USP8: variants seen among roughly 807,000 people sequenced by gnomAD.
USP8 encodes the protein ubiquitin specific peptidase 8.
Under a neutral mutation model 130.0 loss-of-function variants are expected in USP8, and 27 were observed. The ratio of observed to expected loss-of-function variants is 0.21; its 90% confidence interval spans 0.15 to 0.29. The LOEUF (loss-of-function observed/expected upper bound fraction) is 0.29, where lower values mean the gene tolerates loss of function less well. USP8 is among the 10% of genes least tolerant of loss of function. The pLI, the probability that USP8 is intolerant of heterozygous loss-of-function variation, is 1.00. For synonymous variants in USP8, 392 were observed against 444.1 expected (o/e 0.88, Z 1.48); for missense variants, 1,029 against 1,312.2 (o/e 0.78, Z 3.33).
In USP8 at chr15:50,447,326, C is replaced by T. The variant is rs147754879; in HGVS notation, c.250-2074C>T. 4.3e-3 allele frequency among the ~76,000 whole-genome samples: 654 copies of T among 152,192 alleles called. 6 individuals carry two copies. The highest frequency in any genetic ancestry group is 0.013 in the African/African-American group (530 of 41,546). The stretch of plus-strand genomic sequence containing the variant: ...CACTGTCTCTGCTCACTGCAACCTC[C>T]ACTTCTTGGGTTCAAGCAATTCTCT... On this transcript the variant is annotated intron_variant, in intron 3 of 19. Coordinates refer to ENST00000307179, the MANE Select transcript of USP8 (RefSeq NM_005154.5).
At chr15:50,426,004 C>G (rs1209205093) in intron 1 of USP8, among the ~76,000 whole-genome samples, 1 of 152,136 alleles carries the variant, frequency 6.6e-6, no homozygotes, top group African/African-American at 2.4e-5. Flanking sequence ...GCCTGTAGTC[C>G]CAGCTACTCT....
intron 14 of USP8, among the ~76,000 whole-genome samples, chr15:50,491,567 G>C (rs919845902): frequency 2.6e-5 from 4 of 152,098 alleles, no homozygotes; most frequent in Admixed American, 6.6e-5. Context: ...ATGCACCTGA[G>C]TACAGGTAAA....
At chr15:50,442,768 A>G (rs573659398) in intron 3 of USP8, among the ~76,000 whole-genome samples, 7 of 152,232 alleles carry the variant, frequency 4.6e-5, no homozygotes, top group Admixed American at 4.6e-4. Context: ...ACAAAAACAA[A>G]CTAGCAAAAA....
chr15:50,433,311 G>GAGATTTA (rs1482840647), intron 1 of USP8, among the ~76,000 whole-genome samples: 1 of 152,182 alleles, frequency 6.6e-6, no homozygotes, highest in East Asian at 1.9e-4. Context: ...AGTGGATTAT[G>GAGATTTA]AGATTTAAGA....
intron 12 of USP8, among the ~76,000 whole-genome samples, chr15:50,487,945 T>A (rs2052022160): frequency 6.6e-6 from 1 of 152,094 alleles, no homozygotes; most frequent in African/African-American, 2.4e-5. Context: ...CTTGTGAGAG[T>A]GAGGCAAGAG....
intron 17 of USP8, 165 bp from the exon 18 acceptor site, chr15:50,496,924 G>A (rs2052435731): frequency 1.2e-6 from 1 of 813,000 alleles, no homozygotes; most frequent in Admixed American, 3.2e-5. Context: ...TTGTTCACTT[G>A]TCTATGCTTC....
intron 3 of USP8, among the ~76,000 whole-genome samples, chr15:50,443,087 G>A (rs2050312739): frequency 1.3e-5 from 2 of 152,148 alleles, no homozygotes; most frequent in Non-Finnish European, 2.9e-5. Context: ...CACCCAGGCT[G>A]GAGTGCGGTG....
chr15:50,471,365 T>C (rs1259112271), intron 7 of USP8, among the ~76,000 whole-genome samples: 1 of 152,360 alleles, frequency 6.6e-6, no homozygotes, highest in East Asian at 1.9e-4. Flanking sequence ...CCCTTGACTT[T>C]TTTTAAAAGG....
chr15:50,505,090 A>G lies in USP8; in HGVS notation c.*6002A>G, dbSNP rs1048434050. 6.6e-6 allele frequency: 1 copy of G among 152,186 alleles called. No homozygotes were observed. The highest frequency in any genetic ancestry group is 2.4e-5 in the African/African-American group (1 of 41,442). 9.4% of individuals were successfully genotyped at this position (152,186 alleles called of 1,614,324 possible). ...GAGGCATGAAAAATTGAATGAGAAT[A>G]TTCAGCGTATGTCCTGTAGAAGTTC... is the stretch of plus-strand genomic sequence containing the variant. On this transcript the variant is annotated 3_prime_UTR_variant, in exon 20 of 20. Transcript: ENST00000307179.
Position 50,493,408 on chromosome 15 carries a change from A to G in USP8, c.2447+495A>G, listed in dbSNP as rs192342330. ...TACCTTTCAAACCATAGTACTTACC[A>G]CTCAGCTCCAGAAAAGTCAAATTAG... On this transcript the variant is annotated intron_variant, in intron 15 of 19. Coordinates refer to ENST00000307179, the MANE Select transcript of USP8 (RefSeq NM_005154.5). 3.9e-4 allele frequency: 200 copies of G among 519,110 alleles called. 1 individual carries two copies. The highest frequency in any genetic ancestry group is 3.6e-3 in the African/African-American group (188 of 52,052). 32.2% of individuals were successfully genotyped at this position (519,110 alleles called of 1,614,324 possible).
chr15:50,456,702 A>G (rs1452337004), intron 4 of USP8, among the ~76,000 whole-genome samples: 1 of 152,164 alleles, frequency 6.6e-6, no homozygotes, highest in African/African-American at 2.4e-5. Flanking sequence ...CCTGGCCAAC[A>G]TGGTGAGACC....
chr15:50,427,318 A>T (rs1163702323), intron 1 of USP8, among the ~76,000 whole-genome samples: 1 of 151,944 alleles, frequency 6.6e-6, no homozygotes, highest in African/African-American at 2.4e-5. Flanking sequence ...ATATTTTTTC[A>T]CTTGATACCT....
At chr15:50,474,348 A>T (rs1465229482) in intron 8 of USP8, among the ~76,000 whole-genome samples, 3 of 152,266 alleles carry the variant, frequency 2.0e-5, no homozygotes, top group Admixed American at 2.0e-4. Context: ...GCTGGTGAGC[A>T]TGTGGTGAGA....
intron 5 of USP8, among the ~76,000 whole-genome samples, chr15:50,459,593 A>G (rs1046783801): frequency 6.6e-6 from 1 of 152,210 alleles, no homozygotes; most frequent in Non-Finnish European, 1.5e-5. Flanking sequence ...TCAAAAAAAA[A>G]GAAAAGAATT....
chr15:50,432,633 A>G (rs2049967566), intron 1 of USP8: 1 of 152,232 alleles, frequency 6.6e-6, no homozygotes, highest in African/African-American at 2.4e-5. Flanking sequence ...TGAGACTTTC[A>G]TACTTTTTTT....
chr15:50,441,312 C>G, intron 2 of USP8, 37 bp from the exon 3 acceptor site: 1 of 1,546,328 alleles, frequency 6.5e-7, no homozygotes, highest in Non-Finnish European at 8.7e-7. Context: ...TCCCAGATGT[C>G]AATTGCTTTA....
At chr15:50,466,463 C>T (rs563499116) in intron 7 of USP8, among the ~76,000 whole-genome samples, 27 of 152,014 alleles carry the variant, frequency 1.8e-4, no homozygotes, top group African/African-American at 6.0e-4. Flanking sequence ...GGTGAGGTGG[C>T]GTATGCCTAT....
At chr15:50,428,467 T>C (rs1567591759) in intron 1 of USP8, among the ~76,000 whole-genome samples, 1 of 152,232 alleles carries the variant, frequency 6.6e-6, no homozygotes, top group Non-Finnish European at 1.5e-5. Flanking sequence ...CTGCAGGGGA[T>C]ATGTTTCAAG....
intron 12 of USP8, among the ~76,000 whole-genome samples, chr15:50,486,551 G>C (rs2051968011): frequency 6.6e-6 from 1 of 152,048 alleles, no homozygotes; most frequent in Admixed American, 6.5e-5. Flanking sequence ...TGAATTCACA[G>C]TTTTCTTATT....
Sources: allele counts gnomAD v4.1 joint callset (sites outside exome capture counted in the v4.1 genomes callset), GRCh38; gene constraint gnomAD v4.1.1; transcripts MANE v1.5; gene names NCBI Gene and HGNC (gene_info 2026-07-23, HGNC 2026-07-21).